SFMBT1: variants seen among roughly 807,000 people sequenced by gnomAD.
The protein encoded by SFMBT1 is Scm like with four mbt domains 1.
SFMBT1 carries 32 observed loss-of-function variants against 108.7 expected under a neutral mutation model. The ratio of observed to expected loss-of-function variants is 0.29; its 90% confidence interval spans 0.22 to 0.40. The LOEUF (loss-of-function observed/expected upper bound fraction) is 0.40. SFMBT1 is among the 10% of genes least tolerant of loss of function. The pLI is 1.00. For synonymous variants in SFMBT1, 348 were observed against 369.5 expected, an observed-to-expected ratio of 0.94 and a Z score of 0.67; for missense variants, 816 against 1,059.6, an observed-to-expected ratio of 0.77 and a Z score of 3.19.
In SFMBT1 at chr3:52,982,367, G is replaced by C. The variant is rs369918254; in HGVS notation, c.-130-13109C>G. The stretch of plus-strand genomic sequence containing the variant: ...GCATAACTTCACAGGATTGACAACA[G>C]AGCCAATCACAAAAATCATGAAAGA... On this transcript the variant is annotated intron_variant, in intron 1 of 20. Coordinates refer to ENST00000394752, the MANE Select transcript of SFMBT1 (RefSeq NM_016329.4). 3.3e-5 allele frequency among the ~76,000 whole-genome samples: 5 copies of C among 152,266 alleles called. No homozygotes were observed. In the East Asian group the frequency reaches 9.6e-4, roughly 29 times the overall value.
intron 9 of SFMBT1, among the ~76,000 whole-genome samples, chr3:52,927,442 T>C (rs1353135562): frequency 6.6e-6 from 1 of 152,206 alleles, no homozygotes; most frequent in Non-Finnish European, 1.5e-5. Context: ...GCAGTCACCA[T>C]TTAGAAAAGT....
chr3:52,927,819 C>A (rs978710773), intron 9 of SFMBT1, among the ~76,000 whole-genome samples: 1 of 152,178 alleles, frequency 6.6e-6, no homozygotes, highest in Non-Finnish European at 1.5e-5. Context: ...CCTCTTCTCA[C>A]AAGCCAGCCC....
intron 2 of SFMBT1, among the ~76,000 whole-genome samples, chr3:52,959,003 A>T (rs1196965408): frequency 6.6e-6 from 1 of 152,178 alleles, no homozygotes; most frequent in Non-Finnish European, 1.5e-5. Flanking sequence ...GGAACCCATT[A>T]TCTTCAGCAA....
rs528650937 is a variant in SFMBT1 at position 52,934,456 on chromosome 3, T to C, written c.453+357A>G. ...AAAAAAAAAAAAAAAAAAGGGTGGG[T>C]TGGGGGGACTCCAAGTCACCTGGTG... On this transcript the variant is annotated intron_variant, in intron 5 of 20. Transcript: ENST00000394752. 8.1e-5 allele frequency among the ~76,000 whole-genome samples: 12 copies of C among 147,354 alleles called. No individual in the cohort carries two copies. In the East Asian group the frequency reaches 1.2e-3, roughly 15 times the overall value.
chr3:53,034,071 CAAAAAAAAAAA>C (rs61046895), intron 1 of SFMBT1, among the ~76,000 whole-genome samples: 4 of 28,698 alleles, frequency 1.4e-4, no homozygotes, highest in South Asian at 3.3e-3. Context: ...ACTCTGTCTC[CAAAAAAAAAAA>C]AAAAAAAAAA....
At position 52,930,921 on chromosome 3, in the gene SFMBT1, A is replaced by G. The variant is rs1702838729; in HGVS notation, c.795+20T>C. 6.2e-7 allele frequency: 1 copy of G among 1,603,894 alleles called. No individual in the cohort carries two copies. The highest frequency in any genetic ancestry group is 8.5e-7 in the Non-Finnish European group (1 of 1,171,016). On this transcript the variant is annotated intron_variant, in intron 7 of 20. Coordinates refer to ENST00000394752, the MANE Select transcript of SFMBT1 (RefSeq NM_016329.4). ...ACTGTAAGGGGAGCAATACCGGTCTATCACATGTTTTGTTTTTACCTTAAA... is the reference window on the plus strand; with the variant it reads ...ACTGTAAGGGGAGCAATACCGGTCTGTCACATGTTTTGTTTTTACCTTAAA...
intron 3 of SFMBT1, among the ~76,000 whole-genome samples, chr3:52,951,156 C>A (rs1559523683): frequency 7.5e-4 from 75 of 100,608 alleles, no homozygotes; most frequent in South Asian, 5.6e-3. Flanking sequence ...TTTTCTTTTA[C>A]ATTTTAAAAT....
intron 3 of SFMBT1, among the ~76,000 whole-genome samples, chr3:52,946,151 G>A (rs1703358153): frequency 6.6e-6 from 1 of 152,168 alleles, no homozygotes; most frequent in Admixed American, 6.5e-5. Flanking sequence ...ACAAATAGTT[G>A]ACATGCAATA....
chr3:52,988,604 T>C (rs540459987), intron 1 of SFMBT1, among the ~76,000 whole-genome samples: 1 of 152,196 alleles, frequency 6.6e-6, no homozygotes, highest in East Asian at 1.9e-4. Flanking sequence ...TTAGAAAAAG[T>C]ATAAATTATT....
At chr3:52,990,803 T>G (rs1317756060) in intron 1 of SFMBT1, among the ~76,000 whole-genome samples, 6 of 152,134 alleles carry the variant, frequency 3.9e-5, no homozygotes. Context: ...ATATTACGCA[T>G]AAAACAAGGA....
chr3:52,942,633 C>G (rs1703223014), intron 4 of SFMBT1, among the ~76,000 whole-genome samples: 1 of 152,196 alleles, frequency 6.6e-6, no homozygotes, highest in Admixed American at 6.5e-5. Context: ...CTGCCTCAGC[C>G]TCCTGAGTAG....
chr3:52,956,034 T>G (rs1231009657), intron 2 of SFMBT1, among the ~76,000 whole-genome samples: 1 of 152,194 alleles, frequency 6.6e-6, no homozygotes, highest in Non-Finnish European at 1.5e-5. Flanking sequence ...ATCCCTGAAA[T>G]GCAAGGCTGG....
chr3:52,915,751 TG>T (rs1178600749), intron 14 of SFMBT1, among the ~76,000 whole-genome samples: 1 of 152,210 alleles, frequency 6.6e-6, no homozygotes, highest in Non-Finnish European at 1.5e-5. Context: ...ACATAAACTG[TG>T]AAATTTATAT....
chr3:52,974,669 G>GA (rs1163386782), intron 1 of SFMBT1, among the ~76,000 whole-genome samples: 3 of 151,788 alleles, frequency 2.0e-5, no homozygotes, highest in Non-Finnish European at 4.4e-5. Context: ...AATTTTGCGA[G>GA]AAAAATCTTA....
intron 9 of SFMBT1, 76 bp from the exon 10 acceptor site, chr3:52,926,189 G>T: frequency 1.5e-6 from 2 of 1,315,384 alleles, no homozygotes; most frequent in East Asian, 5.0e-5. Flanking sequence ...CTCACCAAGG[G>T]TCCACTCACA....
chr3:52,930,985 C>T lies in SFMBT1; in HGVS notation c.751G>A (p.Val251Met), dbSNP rs1559515211. 6.2e-7 allele frequency: 1 copy of T among 1,613,944 alleles called. No individual in the cohort carries two copies. The highest frequency in any genetic ancestry group is 1.1e-5 in the South Asian group (1 of 91,086). Residue 251 changes from valine (V) to methionine (M), a missense_variant, in exon 7 of 21, where the codon GTG becomes ATG. This residue lies in a region of SFMBT1 where 495 missense variants were observed against 607.4 expected (regional missense o/e 0.81). Coordinates refer to ENST00000394752, the MANE Select transcript of SFMBT1 (RefSeq NM_016329.4). Reference protein sequence around the residue: ...EAEWQEILAKVKEEEEEPLPS... With the variant: ...EAEWQEILAKMKEEEEEPLPS... ...AATGGCTCTTCCTCTTCCTCTTTCA[C>T]TTTGGCCAAAATCTCTTGCCACTCA...
intron 8 of SFMBT1, among the ~76,000 whole-genome samples, chr3:52,928,854 C>T (rs151088465): frequency 3.1e-3 from 471 of 151,638 alleles, no homozygotes; most frequent in Non-Finnish European, 6.0e-3. Flanking sequence ...CAGGCATGCA[C>T]CACCATGCCC....
At chr3:52,949,386 T>C (rs1367639466) in intron 3 of SFMBT1, among the ~76,000 whole-genome samples, 1 of 152,068 alleles carries the variant, frequency 6.6e-6, no homozygotes, top group Non-Finnish European at 1.5e-5. Context: ...GCTGGATCTG[T>C]CCATTTTCGA....
In SFMBT1 at chr3:52,907,364, G is replaced by C. The variant is rs753386399; in HGVS notation, c.2086-50C>G. ...ATTGAAATTCAGGACATCAATCCCA[G>C]GTTTCATATGATTAAAAAAAAATAA... On this transcript the variant is annotated intron_variant, in intron 18 of 20. Coordinates refer to ENST00000394752, the MANE Select transcript of SFMBT1 (RefSeq NM_016329.4). 9.0e-6 allele frequency: 14 copies of C among 1,556,292 alleles called. No homozygotes were observed. In the South Asian group the frequency reaches 1.7e-4, roughly 19 times the overall value.
Sources: gnomAD v4.1 joint callset for allele counts (sites outside exome capture counted in the v4.1 genomes callset) on GRCh38, gnomAD v4.1.1 for gene constraint, gnomAD v4.1.1 regional missense constraint, MANE v1.5 for transcripts, NCBI Gene and HGNC (gene_info 2026-07-23, HGNC 2026-07-21) for gene names.